HELQ: variants seen among roughly 807,000 people sequenced by gnomAD.
HELQ encodes the protein helicase POLQ-like.
In HELQ, 77 loss-of-function variants were observed where a neutral mutation model predicts 111.6. That is an observed-to-expected ratio of 0.69 (90% CI 0.57 to 0.83). The LOEUF is 0.83. Among genes scored for constraint, HELQ ranks in the 40% least tolerant of loss-of-function variants. The pLI is 0.00. For missense variants in HELQ, 1,200 were observed against 1,288.5 expected (o/e 0.93, Z 1.05); for synonymous variants, 438 against 454.7 (o/e 0.96, Z 0.47).
chr4:83,450,681 A>G lies in HELQ; in HGVS notation c.1013-1720T>C, dbSNP rs1012682154. Among the ~76,000 whole-genome samples, 6 of 149,836 alleles carry G rather than the reference A, an allele frequency of 4.0e-5. No individual in the cohort carries two copies. The South Asian group carries it at 1.0e-3, about 26-fold the overall frequency. On this transcript the variant is annotated intron_variant, in intron 2 of 17. Transcript: ENST00000295488. ...CTTCACATCAAAAAAAAAAAAAAAA[A>G]CTAGCCGGGTACAATGGCTCATATC...
intron 17 of HELQ, among the ~76,000 whole-genome samples, chr4:83,408,233 T>G (rs1156555063): frequency 6.6e-6 from 1 of 152,094 alleles, no homozygotes; most frequent in Non-Finnish European, 1.5e-5. Context: ...TGTGGAAGAA[T>G]AAATTCCGCT....
intron 17 of HELQ, among the ~76,000 whole-genome samples, chr4:83,411,755 A>G (rs1327606462): frequency 2.0e-5 from 3 of 151,882 alleles, no homozygotes; most frequent in African/African-American, 7.3e-5. Flanking sequence ...TGATCCTCCC[A>G]TTGCAGCCTC....
intron 17 of HELQ, among the ~76,000 whole-genome samples, chr4:83,411,525 G>A (rs1408022281): frequency 6.6e-6 from 1 of 151,780 alleles, no homozygotes; most frequent in Non-Finnish European, 1.5e-5. Flanking sequence ...GATTGCTTGA[G>A]CCTGGGAGGT....
At chr4:83,412,815 C>A (rs1014232797) in intron 17 of HELQ, among the ~76,000 whole-genome samples, 2 of 152,166 alleles carry the variant, frequency 1.3e-5, no homozygotes, top group African/African-American at 2.4e-5. Context: ...CAGAGCAAGA[C>A]CCTGTCTCCA....
rs1392004282 is a variant in HELQ at position 83,446,713 on chromosome 4, T to C, written c.1392+122A>G. 9 of 613,408 alleles carry C rather than the reference T, an allele frequency of 1.5e-5. No individual in the cohort carries two copies. The Admixed American group carries it at 2.4e-4, about 16-fold the overall frequency. The allele number at this position is 613,408 out of a possible 1,614,324, so 38.0% of individuals were successfully genotyped here. ...AGAATGTCTTCACCTATATTGTCTATATTTTCAAATAAATTTATTTTTATA... is the reference window on the plus strand; with the variant it reads ...AGAATGTCTTCACCTATATTGTCTACATTTTCAAATAAATTTATTTTTATA... On this transcript the variant is annotated intron_variant, in intron 4 of 17. Coordinates refer to ENST00000295488, the MANE Select transcript of HELQ (RefSeq NM_133636.5).
At position 83,434,129 on chromosome 4, in the gene HELQ, G is replaced by A. The variant is rs114134305; in HGVS notation, c.2049-1862C>T. Among the ~76,000 whole-genome samples, 1,240 of 152,094 alleles carry A rather than the reference G, an allele frequency of 8.2e-3. 13 individuals are homozygous for A. Among genetic ancestry groups the A allele is most frequent in the African/African-American group, 0.028 (1,171 of 41,488 alleles). On this transcript the variant is annotated intron_variant, in intron 9 of 17. Coordinates refer to ENST00000295488, the MANE Select transcript of HELQ (RefSeq NM_133636.5). ...CTCACACCTGTCAATCTAGCACTTC[G>A]GGAGGCCACGGTGGGCAGATCACCT...
upstream of HELQ, chr4:83,455,826 G>C (rs1168720421): frequency 1.1e-6 from 1 of 929,716 alleles, no homozygotes; most frequent in Non-Finnish European, 1.6e-6. Flanking sequence ...TAGCTCTCAG[G>C]GCTCGCGGAC....
chr4:83,429,392 G>A (rs1300335043), intron 12 of HELQ, 132 bp downstream of exon 12: 12 of 649,562 alleles, frequency 1.8e-5, no homozygotes, highest in South Asian at 1.0e-4. Context: ...CAAGTGATCC[G>A]CTCCCCTTGG....
chr4:83,452,634 AG>A (rs1278609699), intron 2 of HELQ, among the ~76,000 whole-genome samples: 1 of 152,256 alleles, frequency 6.6e-6, no homozygotes, highest in South Asian at 2.1e-4. Context: ...AAGAAAGCTG[AG>A]GATCTCTACT....
chr4:83,446,131 T>C, intron 4 of HELQ, 45 bp from the exon 5 acceptor site: 2 of 1,329,430 alleles, frequency 1.5e-6, no homozygotes, highest in Middle Eastern at 1.8e-4. Context: ...AATCTTCATA[T>C]AGTGCTCATA....
At chr4:83,411,157 C>CAAAAA (rs35424076) in intron 17 of HELQ, among the ~76,000 whole-genome samples, 21 of 67,106 alleles carry the variant, frequency 3.1e-4, no homozygotes, top group African/African-American at 4.2e-4. Flanking sequence ...GACCTTGTCT[C>CAAAAA]AAAAAAAAAA....
intron 8 of HELQ, 26 bp from the exon 9 acceptor site, chr4:83,437,123 T>C (rs769213780): frequency 1.1e-5 from 18 of 1,606,346 alleles, no homozygotes; most frequent in Admixed American, 1.7e-5. Context: ...GTTAGAAATA[T>C]GAGCCCTTGA....
intron 12 of HELQ, among the ~76,000 whole-genome samples, chr4:83,428,614 T>C (rs551524743): frequency 6.6e-6 from 1 of 151,998 alleles, no homozygotes; most frequent in Non-Finnish European, 1.5e-5. Flanking sequence ...CTTTATTCAC[T>C]GTCATGAAAC....
Position 83,455,281 on chromosome 4 carries a change from GA to G in HELQ, c.297+115del, listed in dbSNP as rs1171544925. The stretch of plus-strand genomic sequence containing the variant: ...AGGCAATCAATACCTCCTAAGTGCC[GA>G]TTAACAGTGGTAACGAAGACGAGAG... On this transcript the variant is annotated intron_variant, in intron 1 of 17. Transcript: ENST00000295488. The G allele has an allele frequency of 5.9e-6, 9 of 1,527,748 alleles. No individual in the cohort carries two copies. The East Asian group carries it at 1.8e-4, about 31-fold the overall frequency. 94.6% of individuals were successfully genotyped at this position (1,527,748 alleles called of 1,614,324 possible). A position where few individuals can be genotyped will look rare whatever the true frequency, so the allele number is the denominator to read the frequency against.
chr4:83,433,813 C>T (rs1221978087), intron 9 of HELQ, among the ~76,000 whole-genome samples: 2 of 151,778 alleles, frequency 1.3e-5, no homozygotes, highest in Admixed American at 6.6e-5. Flanking sequence ...GAAACCCCGT[C>T]TCTACTAAAA....
intron 9 of HELQ, among the ~76,000 whole-genome samples, chr4:83,432,812 T>G (rs1305505404): frequency 6.6e-6 from 1 of 152,074 alleles, no homozygotes. Context: ...TTTGGAGGGC[T>G]GATGTGGGAG....
chr4:83,438,748 G>GAAAAAAAAAAAAAA (rs200715200), intron 8 of HELQ, among the ~76,000 whole-genome samples: 1 of 104,284 alleles, frequency 9.6e-6, no homozygotes, highest in African/African-American at 4.6e-5. Context: ...CCTGTCTCAG[G>GAAAAAAAAAAAAAA]AAAAAAAAAA....
rs149546181 is a variant in HELQ, at chr4:83,419,478, T to C, written c.2950-1272A>G. On this transcript the variant is annotated intron_variant, in intron 15 of 17. Coordinates refer to ENST00000295488, the MANE Select transcript of HELQ (RefSeq NM_133636.5). The stretch of plus-strand genomic sequence containing the variant: ...ATCATATAATTATATATTTATATTA[T>C]ATGTAATTATATAATTATGATATAT... Among the ~76,000 whole-genome samples, 634 of 148,370 alleles carry C rather than the reference T, an allele frequency of 4.3e-3. 5 individuals are homozygous for C. Among genetic ancestry groups the C allele is most frequent in the African/African-American group, 0.015 (609 of 40,916 alleles).
chr4:83,433,887 A>G (rs1720299223), intron 9 of HELQ, among the ~76,000 whole-genome samples: 1 of 151,002 alleles, frequency 6.6e-6, no homozygotes, highest in Non-Finnish European at 1.5e-5. Context: ...AGGCTGAGGC[A>G]GGAGAATCAC....
Sources: gnomAD v4.1 joint callset for allele counts (sites outside exome capture counted in the v4.1 genomes callset) on GRCh38, gnomAD v4.1.1 for gene constraint, MANE v1.5 for transcripts, NCBI Gene and HGNC (gene_info 2026-07-23, HGNC 2026-07-21) for gene names.